Variants in ARMC1 observed in about 807,000 individuals in gnomAD.
ARMC1 encodes the protein armadillo repeat containing 1.
In ARMC1, 16 loss-of-function variants were observed where a neutral mutation model predicts 31.4. That is an observed-to-expected ratio of 0.51 (90% CI 0.34 to 0.77). The LOEUF (loss-of-function observed/expected upper bound fraction) is 0.77. Among genes scored for constraint, ARMC1 ranks in the 30% least tolerant of loss-of-function variants. ARMC1 has a pLI of 0.01. For missense variants in ARMC1, 259 were observed against 347.5 expected (o/e 0.75, Z 2.02); for synonymous variants, 114 against 118.9 (o/e 0.96, Z 0.27).
chr8:65,629,628 G>A (rs540212566), intron 1 of ARMC1, among the ~76,000 whole-genome samples: 9 of 151,706 alleles, frequency 5.9e-5, no homozygotes, highest in Non-Finnish European at 1.2e-4. Flanking sequence ...GTGAAACCCC[G>A]TCTCTACTAA....
chr8:65,604,879 A>T (rs533077855), intron 6 of ARMC1, among the ~76,000 whole-genome samples: 1 of 152,226 alleles, frequency 6.6e-6, no homozygotes, highest in African/African-American at 2.4e-5. Flanking sequence ...ATGGGAACCC[A>T]AATGAGCTCA....
chr8:65,619,476 T>C (rs1808346222), intron 3 of ARMC1, among the ~76,000 whole-genome samples: 1 of 151,652 alleles, frequency 6.6e-6, no homozygotes, highest in African/African-American at 2.4e-5. Flanking sequence ...AGGAAGAGAT[T>C]GCAGTGAGCT....
At chr8:65,616,258 G>A (rs534519369) in intron 3 of ARMC1, among the ~76,000 whole-genome samples, 25 of 152,052 alleles carry the variant, frequency 1.6e-4, no homozygotes, top group East Asian at 7.8e-4. Context: ...TCAGCCTGCC[G>A]AGTGCCTGCG....
chr8:65,629,798 C>CAAA (rs56044753), intron 1 of ARMC1, among the ~76,000 whole-genome samples: 1 of 101,354 alleles, frequency 9.9e-6, no homozygotes, highest in African/African-American at 3.8e-5. Context: ...GACTCCGTCT[C>CAAA]AAAAAAAAAA....
At chr8:65,631,086 G>A (rs1236757833) in intron 1 of ARMC1, among the ~76,000 whole-genome samples, 1 of 152,182 alleles carries the variant, frequency 6.6e-6, no homozygotes, top group African/African-American at 2.4e-5. Flanking sequence ...GGCAAGAAAA[G>A]CTGACAGAAG....
At chr8:65,617,093 T>A (rs1325547369) in intron 3 of ARMC1, among the ~76,000 whole-genome samples, 1 of 151,624 alleles carries the variant, frequency 6.6e-6, no homozygotes, top group South Asian at 2.1e-4. Context: ...GGAGCCCCTC[T>A]GCCCGGCGGC....
In ARMC1 at chr8:65,627,243, G is replaced by T. The variant is rs751465207; in HGVS notation, c.156C>A (p.Asn52Lys). 1 of 1,600,972 alleles carries T rather than the reference G, an allele frequency of 6.2e-7. No homozygotes were observed. The highest frequency in any genetic ancestry group is 8.5e-7 in the Non-Finnish European group (1 of 1,172,458). Residue 52 changes from asparagine (N) to lysine (K), a missense_variant, in exon 2 of 7, where the codon AAC (asparagine) becomes AAA (lysine). This residue lies in a region of ARMC1 where 163 missense variants were observed against 186.7 expected (regional missense o/e 0.87). Transcript: ENST00000276569. ...GCAAAGCGGAGTGGACGACTGGAGG[G>T]TTGGGATGGTCCATAAATAAAATAA... ...PGLILFMDHP[N>K]PPVVHSALLA...
At position 65,617,813 on chromosome 8, in the gene ARMC1, C is replaced by A. The variant is rs566569952; in HGVS notation, c.276-4380G>T. On this transcript the variant is annotated intron_variant, in intron 3 of 6. Transcript: ENST00000276569. ...CCCATGTAACAAACCTGCTCATGTACCCCTGAATCTAAAATAAAAGTTGAA... is the reference window on the plus strand; with the variant it reads ...CCCATGTAACAAACCTGCTCATGTAACCCTGAATCTAAAATAAAAGTTGAA... Among the ~76,000 whole-genome samples, 8 of 149,398 alleles carry A rather than the reference C, an allele frequency of 5.4e-5. No individual in the cohort carries two copies. The East Asian group carries it at 1.6e-3, about 29-fold the overall frequency.
Position 65,605,444 on chromosome 8 carries a change from A to G in ARMC1, c.560T>C (p.Ile187Thr). The G allele has an allele frequency of 5.0e-6, 8 of 1,614,170 alleles. No individual in the cohort carries two copies. The highest frequency in any genetic ancestry group is 6.8e-6 in the Non-Finnish European group (8 of 1,179,998). The change falls in exon 5 of 7, where the codon ATC becomes ACC. Residue 187 changes from isoleucine (I) to threonine (T), a missense_variant. By Grantham distance (89) the Ile-to-Thr change is moderately conservative (BLOSUM62 -1). Transcript: ENST00000276569. ...QMAVQRCVVR[I>T]RSDLKAEALA... ...TACCTCAGCTTTCAAATCTGAACGG[A>G]TTCGCACCACACACCTTTGAACAGC...
At chr8:65,630,796 G>C (rs1808626885) in intron 1 of ARMC1, among the ~76,000 whole-genome samples, 1 of 148,870 alleles carries the variant, frequency 6.7e-6, no homozygotes. Context: ...TCCAGCCTGG[G>C]CAACAGTGCC....
Position 65,623,286 on chromosome 8 carries a change from C to T in ARMC1, c.184-932G>A, listed in dbSNP as rs866963949. ...TCGTGCTGCCGCACTCCAGCCTGGG[C>T]GACAGAGCAAGACTCCGTCTCAAAA... On this transcript the variant is annotated intron_variant, in intron 2 of 6. Coordinates refer to ENST00000276569, the MANE Select transcript of ARMC1 (RefSeq NM_018120.6). Among the ~76,000 whole-genome samples the T allele has an allele frequency of 4.2e-4, 40 of 95,876 alleles. 1 individual carries two copies. Among genetic ancestry groups the T allele is most frequent in the African/African-American group, 1.7e-3 (40 of 22,902 alleles). 62.9% of individuals were successfully genotyped at this position (95,876 alleles called of 152,430 possible).
intron 1 of ARMC1, among the ~76,000 whole-genome samples, chr8:65,630,206 T>C (rs1808612030): frequency 6.8e-6 from 1 of 147,206 alleles, no homozygotes. Flanking sequence ...AAAAAATAAG[T>C]ATAAGGTGAT....
intron 4 of ARMC1, among the ~76,000 whole-genome samples, chr8:65,609,112 T>C (rs1313344063): frequency 6.7e-6 from 1 of 150,008 alleles, no homozygotes; most frequent in African/African-American, 2.4e-5. Context: ...GGCCTATATA[T>C]TTGTTTGTTT....
rs544193160 is a variant in ARMC1 at position 65,618,325 on chromosome 8, A to G, written c.275+3938T>C. Among the ~76,000 whole-genome samples the G allele has an allele frequency of 9.1e-4, 138 of 151,768 alleles. 1 individual carries two copies. Among genetic ancestry groups the G allele is most frequent in the African/African-American group, 3.1e-3 (129 of 41,438 alleles). On this transcript the variant is annotated intron_variant, in intron 3 of 6. Coordinates refer to ENST00000276569, the MANE Select transcript of ARMC1 (RefSeq NM_018120.6). ...ATCACAAGGTCAGGAGTCTGAGACC[A>G]TCCTGGCTAACACGGTGAAACCCCA...
intron 4 of ARMC1, among the ~76,000 whole-genome samples, chr8:65,609,107 A>G (rs1357555512): frequency 1.4e-5 from 2 of 147,568 alleles, no homozygotes; most frequent in African/African-American, 5.0e-5. Flanking sequence ...ATATTGGCCT[A>G]TATATTTGTT....
intron 3 of ARMC1, among the ~76,000 whole-genome samples, chr8:65,617,943 T>A (rs914552094): frequency 3.3e-5 from 5 of 150,496 alleles, no homozygotes; most frequent in African/African-American, 1.2e-4. Flanking sequence ...GCAGACAGAG[T>A]CTCACTCTGT....
chr8:65,632,185 T>A (rs1478335613), intron 1 of ARMC1, among the ~76,000 whole-genome samples: 1 of 152,078 alleles, frequency 6.6e-6, no homozygotes, highest in Non-Finnish European at 1.5e-5. Flanking sequence ...AGGCCGGTAA[T>A]CCAAGCACTT....
intron 4 of ARMC1, among the ~76,000 whole-genome samples, chr8:65,608,585 A>G (rs930373824): frequency 6.6e-6 from 1 of 152,160 alleles, no homozygotes; most frequent in African/African-American, 2.4e-5. Context: ...GACTAAGCTA[A>G]AGTTACATAG....
intron 3 of ARMC1, among the ~76,000 whole-genome samples, chr8:65,615,732 T>C (rs972430746): frequency 2.0e-5 from 3 of 150,700 alleles, no homozygotes; most frequent in Non-Finnish European, 1.5e-5. Flanking sequence ...ATAAATAAAA[T>C]AAAATAAAAT....
Sources: allele counts gnomAD v4.1 joint callset (sites outside exome capture counted in the v4.1 genomes callset), GRCh38; gene constraint gnomAD v4.1.1; regional missense constraint gnomAD v4.1.1; transcripts MANE v1.5; gene names NCBI Gene and HGNC (gene_info 2026-07-23, HGNC 2026-07-21).